ABCC8: variants seen among roughly 807,000 people sequenced by gnomAD.
ABCC8 encodes the protein ATP binding cassette subfamily C member 8, also known as ATP-binding cassette sub-family C member 8.
In ABCC8, 137 loss-of-function variants were observed where a neutral mutation model predicts 188.0. The observed-to-expected ratio is 0.73, with a 90% confidence interval of 0.63 to 0.84. The LOEUF (loss-of-function observed/expected upper bound fraction) is 0.84, where lower values mean the gene tolerates loss of function less well. ABCC8 is among the 40% of genes least tolerant of loss of function. ABCC8 has a pLI of 0.00. For missense variants in ABCC8, 1,750 were observed against 2,072.7 expected, an observed-to-expected ratio of 0.84 and a Z score of 3.02; for synonymous variants, 797 against 846.5, an observed-to-expected ratio of 0.94 and a Z score of 1.01.
intron 3 of ABCC8, 70 bp downstream of exon 3, chr11:17,470,031 T>C: frequency 6.4e-7 from 1 of 1,574,600 alleles, no homozygotes; most frequent in Non-Finnish European, 8.7e-7. Context: ...TGGCACATAA[T>C]GAGTCCTCAG....
intron 6 of ABCC8, among the ~76,000 whole-genome samples, chr11:17,456,671 A>T (rs1456800565): frequency 6.6e-6 from 1 of 152,168 alleles, no homozygotes; most frequent in African/African-American, 2.4e-5. Context: ...CTGGACTTAG[A>T]GGTCCTGACT....
chr11:17,406,538 A>C, intron 26 of ABCC8, 84 bp downstream of exon 26: 1 of 1,386,462 alleles, frequency 7.2e-7, no homozygotes, highest in Non-Finnish European at 9.9e-7. Context: ...CAGGTTGTAT[A>C]TCCCCATTTT....
At chr11:17,412,900 G>C in intron 20 of ABCC8, 154 bp from the exon 21 acceptor site, 2 of 1,481,810 alleles carry the variant, frequency 1.3e-6, no homozygotes, top group Non-Finnish European at 1.8e-6. Context: ...ACTTGCACGT[G>C]TTTACTGAAT....
At position 17,463,567 on chromosome 11, in the gene ABCC8, C is replaced by A; in HGVS notation, c.450G>T (p.Lys150Asn). ...LVYWTLAFIT[K>N]TIKFVKFLDH... is the part of the protein sequence containing the mutation. ...CCAAGAACTTGACAAACTTGATGGT[C>A]TTGGTGATGAAGGCCAGGGTCCAAT... is the stretch of plus-strand genomic sequence containing the variant. Residue 150 changes from lysine to asparagine, a missense_variant, in exon 4 of 39, where the codon AAG (lysine) becomes AAT (asparagine). Coordinates refer to ENST00000389817, the MANE Select transcript of ABCC8 (RefSeq NM_000352.6). The A allele has an allele frequency of 6.3e-7, 1 of 1,592,178 alleles. No individual in the cohort carries two copies. Among genetic ancestry groups the A allele is most frequent in the South Asian group, 1.1e-5 (1 of 87,188 alleles).
rs1004082365 is a variant in ABCC8, at chr11:17,460,793, C to G, written c.823-117G>C. ...TGGGGAAACCCAGTGGTCACATCCT[C>G]TGCAAATAGGTGAACTCCAGGAAGA... On this transcript the variant is annotated intron_variant, in intron 5 of 38. Coordinates refer to ENST00000389817, the MANE Select transcript of ABCC8 (RefSeq NM_000352.6). 6 of 1,539,462 alleles carry G rather than the reference C, an allele frequency of 3.9e-6. No individual in the cohort carries two copies. The Admixed American group carries it at 7.8e-5, about 20-fold the overall frequency.
At chr11:17,434,708 T>C (rs1017690943) in intron 10 of ABCC8, among the ~76,000 whole-genome samples, 2 of 152,186 alleles carry the variant, frequency 1.3e-5, no homozygotes, top group African/African-American at 4.8e-5. Flanking sequence ...TTTATTGTCT[T>C]TATTTTTGTA....
intron 16 of ABCC8, 150 bp from the exon 17 acceptor site, chr11:17,417,112 AG>A: frequency 6.6e-7 from 1 of 1,525,004 alleles, no homozygotes; most frequent in Non-Finnish European, 8.9e-7. Context: ...GGGGTCAGAA[AG>A]CACTCTTCTC....
At chr11:17,417,005 C>T (rs768508018) in intron 16 of ABCC8, 43 bp from the exon 17 acceptor site, 3 of 1,613,620 alleles carry the variant, frequency 1.9e-6, no homozygotes, top group South Asian at 2.2e-5. Flanking sequence ...AGTTAGTTCC[C>T]ACCCCATTGC....
chr11:17,401,071 G>A (rs1954216488), intron 29 of ABCC8, among the ~76,000 whole-genome samples: 1 of 152,210 alleles, frequency 6.6e-6, no homozygotes, highest in Admixed American at 6.5e-5. Flanking sequence ...ATCTGAGGCT[G>A]TTTACAGGAA....
intron 7 of ABCC8, among the ~76,000 whole-genome samples, chr11:17,449,567 C>A (rs970153156): frequency 2.0e-5 from 3 of 152,212 alleles, no homozygotes; most frequent in African/African-American, 7.2e-5. Flanking sequence ...GAGCTCTGAA[C>A]CTAAACGCTT....
At chr11:17,455,391 G>C (rs1245365482) in intron 6 of ABCC8, among the ~76,000 whole-genome samples, 1 of 152,166 alleles carries the variant, frequency 6.6e-6, no homozygotes, top group East Asian at 1.9e-4. Context: ...ATACTCGTCG[G>C]TATTTGTGCA....
intron 5 of ABCC8, 88 bp from the exon 6 acceptor site, chr11:17,460,764 T>C (rs572977934): frequency 1.9e-6 from 3 of 1,578,530 alleles, no homozygotes; most frequent in African/African-American, 1.3e-5. Flanking sequence ...TAGCTCCTGT[T>C]GTCTGGGGAA....
chr11:17,448,412 G>T, intron 8 of ABCC8, 104 bp downstream of exon 8: 3 of 1,034,682 alleles, frequency 2.9e-6, no homozygotes, highest in African/African-American at 1.6e-5. Context: ...GTACAGGCAA[G>T]CATGGAGTGG....
chr11:17,402,699 G>A lies in ABCC8; in HGVS notation c.3612C>T (p.Ala1204=), dbSNP rs149861153. 7.4e-3 allele frequency: 11,881 copies of A among 1,614,228 alleles called. 592 individuals carry two copies. The Admixed American group carries it at 0.12, about 17-fold the overall frequency. ...TTQLPLLSHF[A]ETVEGLTTIR... ...TGGTGGTGAGTCCTTCTACGGTTTC[G>A]GCAAAGTGTGAGAGAAGTGGAAGCT... The change falls in exon 29 of 39, where the codon GCC becomes GCT. Residue 1204 remains alanine (A), a synonymous_variant. Transcript: ENST00000389817.
At chr11:17,393,512 A>C (rs959998885) in intron 38 of ABCC8, among the ~76,000 whole-genome samples, 185 bp downstream of exon 38, 1 of 152,014 alleles carries the variant, frequency 6.6e-6, no homozygotes, top group African/African-American at 2.4e-5. Flanking sequence ...AAAACCCCCC[A>C]CCCCAAATCC....
intron 10 of ABCC8, among the ~76,000 whole-genome samples, chr11:17,438,690 C>T (rs1044784163): frequency 1.3e-5 from 2 of 152,170 alleles, no homozygotes; most frequent in Non-Finnish European, 2.9e-5. Context: ...TCCTTGTCTC[C>T]AGCTTCCTCC....
At chr11:17,402,629 C>T in intron 29 of ABCC8, 32 bp downstream of exon 29, 1 of 1,614,224 alleles carries the variant, frequency 6.2e-7, no homozygotes, top group Non-Finnish European at 8.5e-7. Context: ...ACCCCTGTTC[C>T]ACTCCTACCT....
At chr11:17,455,740 C>T (rs1195796920) in intron 6 of ABCC8, among the ~76,000 whole-genome samples, 1 of 151,908 alleles carries the variant, frequency 6.6e-6, no homozygotes, top group Admixed American at 6.6e-5. Context: ...GAGTTTGAGA[C>T]CAGCCTGGCC....
At chr11:17,462,354 C>T (rs749521089) in intron 4 of ABCC8, among the ~76,000 whole-genome samples, 2 of 152,172 alleles carry the variant, frequency 1.3e-5, no homozygotes, top group East Asian at 3.9e-4. Context: ...AGATCACCAA[C>T]TAAAAGCAGA....
Sources: gnomAD v4.1 joint callset for allele counts (sites outside exome capture counted in the v4.1 genomes callset) on GRCh38, gnomAD v4.1.1 for gene constraint, MANE v1.5 for transcripts, NCBI Gene and HGNC (gene_info 2026-07-23, HGNC 2026-07-21) for gene names.